Variants in GALNT2 observed in about 807,000 individuals in gnomAD.
GALNT2 encodes the protein UDP-GalNAc:polypeptide N-acetylgalactosaminyltransferase 2.
GALNT2 carries 31 observed loss-of-function variants against 81.4 expected under a neutral mutation model. That is an observed-to-expected ratio of 0.38 (90% CI 0.29 to 0.51). GALNT2 has a LOEUF of 0.51. Among genes scored for constraint, GALNT2 ranks in the 20% least tolerant of loss-of-function variants. GALNT2 has a pLI of 0.87. For missense variants in GALNT2, 629 were observed against 765.7 expected (o/e 0.82, Z 2.11); for synonymous variants, 303 against 287.4 (o/e 1.05, Z -0.55).
intron 1 of GALNT2, among the ~76,000 whole-genome samples, chr1:230,157,778 C>G (rs1662306435): frequency 6.6e-6 from 1 of 152,076 alleles, no homozygotes; most frequent in East Asian, 1.9e-4. Flanking sequence ...CTGGAAAAGG[C>G]AAAACTACAG....
At chr1:230,141,677 A>C (rs1558105706) in intron 1 of GALNT2, among the ~76,000 whole-genome samples, 1 of 151,352 alleles carries the variant, frequency 6.6e-6, no homozygotes, top group African/African-American at 2.4e-5. Context: ...CATTTTGTTG[A>C]TCTAGTCACC....
In GALNT2 at chr1:230,166,725, C is replaced by A. The variant is rs1003655362; in HGVS notation, c.127-11493C>A. Among the ~76,000 whole-genome samples, 4 of 152,202 alleles carry A rather than the reference C, an allele frequency of 2.6e-5. 1 individual carries two copies. In the South Asian group the frequency reaches 8.3e-4, roughly 31 times the overall value. On this transcript the variant is annotated intron_variant, in intron 1 of 15. Coordinates refer to ENST00000366672, the MANE Select transcript of GALNT2 (RefSeq NM_004481.5). Reference sequence around the variant, plus strand: ...ACTTCCTTGCTTTCTTCCCTTTTCCCAAAATCCAGATCTAATTCTAATGGT... The same window carrying A: ...ACTTCCTTGCTTTCTTCCCTTTTCCAAAAATCCAGATCTAATTCTAATGGT...
intron 1 of GALNT2, among the ~76,000 whole-genome samples, chr1:230,067,664 C>G (rs993184947): frequency 1.3e-5 from 2 of 152,056 alleles, no homozygotes; most frequent in South Asian, 2.1e-4. Flanking sequence ...TCTCTCTGCT[C>G]GTCGTAATTC....
chr1:230,155,654 GT>G (rs1447263662), intron 1 of GALNT2, among the ~76,000 whole-genome samples: 1 of 152,170 alleles, frequency 6.6e-6, no homozygotes, highest in Non-Finnish European at 1.5e-5. Flanking sequence ...TGGAGCTTTT[GT>G]CATTTGAAGA....
At chr1:230,076,969 G>A (rs532800685) in intron 1 of GALNT2, among the ~76,000 whole-genome samples, 10 of 152,324 alleles carry the variant, frequency 6.6e-5, no homozygotes, top group South Asian at 4.1e-4. Context: ...GAAAAATGAC[G>A]CACTTCAAAT....
intron 1 of GALNT2, among the ~76,000 whole-genome samples, chr1:230,073,220 T>C (rs1454700758): frequency 6.6e-6 from 1 of 152,206 alleles, no homozygotes. Context: ...TTGACCTTGT[T>C]CTCTTAACAG....
chr1:230,102,640 A>G (rs962389395), intron 1 of GALNT2, among the ~76,000 whole-genome samples: 1 of 152,096 alleles, frequency 6.6e-6, no homozygotes, highest in Non-Finnish European at 1.5e-5. Context: ...GCCCAGGCTT[A>G]TTGTAAAAAC....
chr1:230,071,045 G>C lies in GALNT2; in HGVS notation c.126+3639G>C, dbSNP rs181838522. 3.6e-3 allele frequency among the ~76,000 whole-genome samples: 545 copies of C among 152,246 alleles called. 3 individuals carry two copies. Among genetic ancestry groups the C allele is most frequent in the African/African-American group, 0.012 (516 of 41,546 alleles). On this transcript the variant is annotated intron_variant, in intron 1 of 15. Transcript: ENST00000366672. ...CTTACCTCATGGCCTTGTTCGGAGA[G>C]TTAAATACTGTTAGTGGGTGCTGAA...
chr1:230,130,750 C>T (rs1661341396), intron 1 of GALNT2, among the ~76,000 whole-genome samples: 1 of 152,228 alleles, frequency 6.6e-6, no homozygotes, highest in Non-Finnish European at 1.5e-5. Context: ...TCGGCGACAG[C>T]TCCTGTATGT....
chr1:230,161,413 C>T (rs1245139551), intron 1 of GALNT2, among the ~76,000 whole-genome samples: 2 of 152,210 alleles, frequency 1.3e-5, no homozygotes, highest in Non-Finnish European at 2.9e-5. Context: ...ATCCAATTGG[C>T]CAAAGCAAAT....
chr1:230,158,898 T>A (rs528321986), intron 1 of GALNT2, among the ~76,000 whole-genome samples: 7 of 150,722 alleles, frequency 4.6e-5, no homozygotes, highest in African/African-American at 1.7e-4. Flanking sequence ...CAAAGAGGAT[T>A]GAACCTTGGA....
intron 15 of GALNT2, among the ~76,000 whole-genome samples, chr1:230,276,367 C>T (rs908820435): frequency 1.3e-5 from 2 of 152,096 alleles, no homozygotes; most frequent in Non-Finnish European, 2.9e-5. Context: ...ACTTGGAGTG[C>T]CTGCCCCTGT....
At chr1:230,263,152 G>C in intron 13 of GALNT2, 147 bp downstream of exon 13, 2 of 651,832 alleles carry the variant, frequency 3.1e-6, no homozygotes, top group South Asian at 3.7e-5. Flanking sequence ...CTCACTCCAT[G>C]GTGTGGAGCT....
intron 3 of GALNT2, among the ~76,000 whole-genome samples, chr1:230,235,394 C>T (rs966549754): frequency 2.6e-5 from 4 of 152,128 alleles, no homozygotes; most frequent in African/African-American, 9.7e-5. Flanking sequence ...AAGAGGAGAG[C>T]TCAGGCAGGC....
At chr1:230,276,412 A>G (rs1666310243) in intron 15 of GALNT2, among the ~76,000 whole-genome samples, 1 of 152,126 alleles carries the variant, frequency 6.6e-6, no homozygotes, top group Admixed American at 6.5e-5. Flanking sequence ...GATGGGATGT[A>G]GGGAAACTGA....
intron 1 of GALNT2, among the ~76,000 whole-genome samples, chr1:230,175,570 C>T (rs1385582163): frequency 3.1e-5 from 3 of 97,146 alleles, no homozygotes; most frequent in African/African-American, 5.2e-5. Context: ...TCCCCTCCTC[C>T]TCTGCCTCCT....
chr1:230,061,437 AG>A, intron 1 of GALNT2, among the ~76,000 whole-genome samples: 1 of 152,316 alleles, frequency 6.6e-6, no homozygotes, highest in East Asian at 1.9e-4. Context: ...AAAAAAATAA[AG>A]GGCTTTAAAA....
intron 14 of GALNT2, chr1:230,268,266 C>T (rs1478280264): frequency 2.0e-5 from 3 of 152,314 alleles, no homozygotes; most frequent in African/African-American, 4.8e-5. Context: ...CAAATGCAGA[C>T]ATGTGGATAA....
chr1:230,105,160 C>CAG (rs1201202128), intron 1 of GALNT2, among the ~76,000 whole-genome samples: 10 of 152,202 alleles, frequency 6.6e-5, no homozygotes, highest in African/African-American at 2.4e-4. Context: ...CTGGCACAGA[C>CAG]AGGATGTGTT....
Sources: allele counts gnomAD v4.1 joint callset (sites outside exome capture counted in the v4.1 genomes callset), GRCh38; gene constraint gnomAD v4.1.1; transcripts MANE v1.5; gene names NCBI Gene and HGNC (gene_info 2026-07-23, HGNC 2026-07-21).